The following ABCC1 variants were observed in gnomAD, a reference collection of about 807,000 sequenced individuals.
ABCC1 encodes multidrug resistance-associated protein 1.
Under a neutral mutation model 172.9 loss-of-function variants are expected in ABCC1, and 83 were observed. The ratio of observed to expected loss-of-function variants is 0.48; its 90% CI spans 0.40 to 0.58. The LOEUF (loss-of-function observed/expected upper bound fraction) is 0.58, where lower values mean the gene tolerates loss of function less well. Among genes scored for constraint, ABCC1 ranks in the 20% least tolerant of loss-of-function variants. The pLI is 0.00. For synonymous variants in ABCC1, 937 were observed against 825.2 expected (o/e 1.14, Z -2.32); for missense variants, 1,817 against 2,002.7 (o/e 0.91, Z 1.77).
chr16:16,039,897 C>T (rs2048906942), intron 7 of ABCC1, among the ~76,000 whole-genome samples: 3 of 151,872 alleles, frequency 2.0e-5, no homozygotes, highest in Admixed American at 6.6e-5. Flanking sequence ...GCTTGTGTGG[C>T]TTGAGGAAAG....
chr16:16,114,308 A>G (rs575382641), intron 22 of ABCC1, among the ~76,000 whole-genome samples: 1 of 152,210 alleles, frequency 6.6e-6, no homozygotes, highest in South Asian at 2.1e-4. Context: ...TACCCTCTGA[A>G]TAATAGCTGC....
intron 1 of ABCC1, among the ~76,000 whole-genome samples, chr16:15,979,804 C>A (rs1032555132): frequency 1.3e-5 from 2 of 152,064 alleles, no homozygotes; most frequent in Non-Finnish European, 2.9e-5. Context: ...ACCCTGCTTA[C>A]TTGTTTTTAT....
At chr16:16,129,145 T>G (rs72777634) in intron 26 of ABCC1, among the ~76,000 whole-genome samples, 3,657 of 152,214 alleles carry the variant, frequency 0.024, 65 homozygotes, top group Middle Eastern at 0.044. Flanking sequence ...ACCCCAACAC[T>G]TTTGTTTGCT....
At chr16:16,107,891 A>C (rs1476969776) in intron 21 of ABCC1, among the ~76,000 whole-genome samples, 3 of 115,204 alleles carry the variant, frequency 2.6e-5, no homozygotes, top group Non-Finnish European at 5.9e-5. Flanking sequence ...AAAGAAAAAC[A>C]AAAAAAAAAA....
rs570135249 is a variant in ABCC1 at position 16,012,563 on chromosome 16, G to A, written c.352-1928G>A. ...TTGCCCAGGCTAGTCTTAAACTCCC[G>A]AGCCCAAGTGATCCCTCTGCCTTGG... On this transcript the variant is annotated intron_variant, in intron 3 of 30. Transcript: ENST00000399410. Among the ~76,000 whole-genome samples, 12 of 146,694 alleles carry A rather than the reference G, an allele frequency of 8.2e-5. No homozygotes were observed. The South Asian group carries it at 2.4e-3, about 29-fold the overall frequency.
intron 1 of ABCC1, among the ~76,000 whole-genome samples, chr16:15,998,253 T>C (rs1597090061): frequency 1.3e-5 from 2 of 152,196 alleles, no homozygotes; most frequent in East Asian, 3.9e-4. Context: ...GCCTTCTGAG[T>C]AGGTGGGACT....
At position 16,083,557 on chromosome 16, in the gene ABCC1, G is replaced by C. The variant is rs1316441216; in HGVS notation, c.2292+15G>C. 1 of 1,596,196 alleles carries C rather than the reference G, an allele frequency of 6.3e-7. No individual in the cohort carries two copies. Among genetic ancestry groups the C allele is most frequent in the South Asian group, 1.1e-5 (1 of 90,612 alleles). On this transcript the variant is annotated intron_variant, in intron 17 of 30. Transcript: ENST00000399410. The stretch of plus-strand genomic sequence containing the variant: ...TTGGCGAGAAGGTCAGTATAGGTTG[G>C]ATGTTGGCCCCTGAATCAGTCAGCT...
intron 1 of ABCC1, among the ~76,000 whole-genome samples, chr16:15,984,093 T>C (rs1172087338): frequency 6.6e-6 from 1 of 152,164 alleles, no homozygotes; most frequent in Non-Finnish European, 1.5e-5. Flanking sequence ...CATTGTGTCA[T>C]TGTTTAGAAT....
chr16:15,991,286 G>T (rs1010193385), intron 1 of ABCC1, among the ~76,000 whole-genome samples: 3 of 151,922 alleles, frequency 2.0e-5, no homozygotes, highest in African/African-American at 2.4e-5. Flanking sequence ...TGTGTGTGTG[G>T]TGGGGTGCGG....
intron 6 of ABCC1, 123 bp from the exon 7 acceptor site, chr16:16,036,349 C>T: frequency 1.2e-6 from 1 of 854,380 alleles, no homozygotes; most frequent in Non-Finnish European, 1.7e-6. Flanking sequence ...CCTTCATTTG[C>T]AGCGGGCAGC....
At chr16:16,087,672 T>G (rs1481508891) in intron 18 of ABCC1, among the ~76,000 whole-genome samples, 1 of 152,210 alleles carries the variant, frequency 6.6e-6, no homozygotes, top group East Asian at 1.9e-4. Context: ...TTGGTCAGGC[T>G]GGTCTCGAAC....
Position 16,002,771 on chromosome 16 carries a change from C to CAAAA in ABCC1, c.49-5032_49-5029dup, listed in dbSNP as rs34530270. ...TGGGCAACAGAGTGAGACCTTGTCTCAAAAAAAAAAAAAAAAGTTCAGTTT... is the reference window on the plus strand; with the variant it reads ...TGGGCAACAGAGTGAGACCTTGTCTCAAAAAAAAAAAAAAAAAAAAGTTCAGTTT... On this transcript the variant is annotated intron_variant, in intron 1 of 30. Transcript: ENST00000399410. Among the ~76,000 whole-genome samples, 11 of 129,282 alleles carry CAAAA rather than the reference C, an allele frequency of 8.5e-5. 1 individual carries two copies. The highest frequency in any genetic ancestry group is 1.4e-4 in the Non-Finnish European group (9 of 63,238). The allele number at this position is 129,282 out of a possible 152,430, so 84.8% of individuals were successfully genotyped here.
chr16:16,013,310 G>A (rs1239096848), intron 3 of ABCC1, among the ~76,000 whole-genome samples: 1 of 149,134 alleles, frequency 6.7e-6, no homozygotes, highest in African/African-American at 2.5e-5. Flanking sequence ...TCACTCTGTC[G>A]CCCAGGCTGG....
intron 1 of ABCC1, among the ~76,000 whole-genome samples, chr16:15,965,512 T>C (rs552975269): frequency 1.9e-4 from 29 of 152,256 alleles, no homozygotes; most frequent in Non-Finnish European, 4.1e-4. Flanking sequence ...CAGGATGGTC[T>C]TGATCTCCTG....
rs35126918 is a variant in ABCC1 at position 15,982,645 on chromosome 16, CAA to C, written c.49-25157_49-25156del. ...AGCCAAGCCATATCACTGTCTCTACCAAAAAAAAAAAAAAAGCCAGGTGTGGT... is the reference window on the plus strand; with the variant it reads ...AGCCAAGCCATATCACTGTCTCTACCAAAAAAAAAAAAAGCCAGGTGTGGT... On this transcript the variant is annotated intron_variant, in intron 1 of 30. Coordinates refer to ENST00000399410, the MANE Select transcript of ABCC1 (RefSeq NM_004996.4). Among the ~76,000 whole-genome samples, 148 of 129,996 alleles carry C rather than the reference CAA, an allele frequency of 1.1e-3. 1 individual carries two copies. The highest frequency in any genetic ancestry group is 1.2e-3 in the Admixed American group (15 of 12,856). 85.3% of individuals were successfully genotyped at this position (129,996 alleles called of 152,430 possible).
At chr16:16,090,762 G>A (rs2051220889) in intron 19 of ABCC1, among the ~76,000 whole-genome samples, 174 bp downstream of exon 19, 1 of 152,106 alleles carries the variant, frequency 6.6e-6, no homozygotes, top group South Asian at 2.1e-4. Flanking sequence ...CTTAGTCCCT[G>A]CAGCGCTGAA....
chr16:15,971,813 G>A (rs1167166991), intron 1 of ABCC1, among the ~76,000 whole-genome samples: 1 of 152,136 alleles, frequency 6.6e-6, no homozygotes, highest in Non-Finnish European at 1.5e-5. Flanking sequence ...ATGAGTGGGG[G>A]AACACCAGGG....
At position 16,014,822 on chromosome 16, in the gene ABCC1, C is replaced by T. The variant is rs45627432; in HGVS notation, c.489+194C>T. On this transcript the variant is annotated intron_variant, in intron 4 of 30. Transcript: ENST00000399410. ...AAATCAGCCCCAGCCTTTTTTCTAG[C>T]ACCTCCTTTCCCCAGGGCCTGATTT... Among the ~76,000 whole-genome samples the T allele has an allele frequency of 1.5e-3, 226 of 152,268 alleles. 5 individuals carry two copies. The East Asian group carries it at 0.034, about 23-fold the overall frequency.
chr16:16,098,687 T>C (rs1029799739), intron 19 of ABCC1, among the ~76,000 whole-genome samples: 4 of 152,220 alleles, frequency 2.6e-5, no homozygotes, highest in Admixed American at 6.5e-5. Flanking sequence ...GCAGTGTGCT[T>C]GTCCCGGATC....
Sources: allele counts gnomAD v4.1 joint callset (sites outside exome capture counted in the v4.1 genomes callset), GRCh38; gene constraint gnomAD v4.1.1; transcripts MANE v1.5; gene names NCBI Gene and HGNC (gene_info 2026-07-23, HGNC 2026-07-21).